Variants in MAP3K1 observed in about 807,000 individuals in gnomAD.
MAP3K1 encodes the protein MAP/ERK kinase kinase 1.
MAP3K1 carries 36 observed loss-of-function variants against 144.2 expected under a neutral mutation model. The ratio of observed to expected loss-of-function variants is 0.25; its 90% CI spans 0.19 to 0.33. The LOEUF (loss-of-function observed/expected upper bound fraction) is 0.33. Among genes scored for constraint, MAP3K1 ranks in the 10% least tolerant of loss-of-function variants. MAP3K1 has a pLI of 1.00. For synonymous variants in MAP3K1, 718 were observed against 688.7 expected (o/e 1.04, Z -0.67); for missense variants, 1,650 against 1,881.9 (o/e 0.88, Z 2.28).
rs1457839996 is a variant in MAP3K1, at chr5:56,864,928, G to A, written c.1029G>A (p.Gly343=). 1.2e-6 allele frequency: 2 copies of A among 1,613,838 alleles called. No homozygotes were observed. The highest frequency in any genetic ancestry group is 2.7e-5 in the African/African-American group (2 of 74,882). The change falls in exon 4 of 20, where the codon GGG becomes GGA. Residue 343 remains glycine (G), a synonymous_variant. Coordinates refer to ENST00000399503, the MANE Select transcript of MAP3K1 (RefSeq NM_005921.2). ...ACAATAAATACCGGGTGTTTATTGG[G>A]CCTCAGGTAGGATTCGTCACCATTT... ...SPDNKYRVFI[G]PQNCSCARGT...
At position 56,865,019 on chromosome 5, in the gene MAP3K1, A is replaced by C. The variant is rs935996795; in HGVS notation, c.1035+85A>C. Reference sequence around the variant, plus strand: ...TATATACTATAATGTTCTTAAATTTAGATCAATTAATTCCCTATAGTAAAC... The same window carrying C: ...TATATACTATAATGTTCTTAAATTTCGATCAATTAATTCCCTATAGTAAAC... On this transcript the variant is annotated intron_variant, in intron 4 of 19. Transcript: ENST00000399503. 6 of 1,230,956 alleles carry C rather than the reference A, an allele frequency of 4.9e-6. No homozygotes were observed. In the African/African-American group the frequency reaches 9.0e-5, roughly 19 times the overall value. 76.3% of individuals were successfully genotyped at this position (1,230,956 alleles called of 1,614,324 possible).
chr5:56,820,384 T>G (rs77211654), intron 1 of MAP3K1: 13,035 of 964,406 alleles, frequency 0.014, 107 homozygotes, highest in East Asian at 0.053. Context: ...TCAAATTAAT[T>G]GATTATTTTT....
intron 1 of MAP3K1, among the ~76,000 whole-genome samples, chr5:56,835,371 GA>G (rs1561168633): frequency 7.6e-6 from 1 of 131,604 alleles, no homozygotes. Flanking sequence ...CAGGGAAGAG[GA>G]GACAGGAAGG....
At chr5:56,844,195 T>G (rs1009554398) in intron 1 of MAP3K1, among the ~76,000 whole-genome samples, 1 of 136,996 alleles carries the variant, frequency 7.3e-6, no homozygotes, top group Non-Finnish European at 1.6e-5. Flanking sequence ...TTTTTTTTTT[T>G]TTTTTTTTTT....
rs763787343 is a variant in MAP3K1, at chr5:56,886,079, A to C, written c.4114+16A>C. ...GATGTCAAAGGTGAGAATTCTTCTA[A>C]TTATTATCTAGTGACAATAAAAAAA... On this transcript the variant is annotated intron_variant, in intron 17 of 19. Coordinates refer to ENST00000399503, the MANE Select transcript of MAP3K1 (RefSeq NM_005921.2). 4.5e-5 allele frequency: 72 copies of C among 1,605,022 alleles called. No individual in the cohort carries two copies. Among genetic ancestry groups the C allele is most frequent in the Non-Finnish European group, 6.0e-5 (70 of 1,172,154 alleles).
At chr5:56,849,008 GT>G (rs1354883353) in intron 1 of MAP3K1, among the ~76,000 whole-genome samples, 3 of 152,128 alleles carry the variant, frequency 2.0e-5, no homozygotes, top group Non-Finnish European at 2.9e-5. Context: ...ACTTAAAATA[GT>G]TTTTCCACTA....
At chr5:56,822,968 C>T (rs1746199190) in intron 1 of MAP3K1, among the ~76,000 whole-genome samples, 1 of 152,146 alleles carries the variant, frequency 6.6e-6, no homozygotes. Flanking sequence ...CCCATTGTCT[C>T]TCATTTCCAC....
chr5:56,849,005 A>G (rs945244809), intron 1 of MAP3K1, among the ~76,000 whole-genome samples: 1 of 152,244 alleles, frequency 6.6e-6, no homozygotes, highest in Admixed American at 6.5e-5. Context: ...AATACTTAAA[A>G]TAGTTTTTCC....
At chr5:56,820,831 G>T (rs1250181804) in intron 1 of MAP3K1, 1 of 983,320 alleles carries the variant, frequency 1.0e-6, no homozygotes, top group African/African-American at 1.7e-5. Context: ...GTTGTAGTAT[G>T]AACATGTTTC....
intron 1 of MAP3K1, among the ~76,000 whole-genome samples, chr5:56,826,489 CAGGGAA>C (rs33966939): frequency 0.5 from 75,984 of 151,490 alleles, 21,191 homozygotes; most frequent in Non-Finnish European, 0.65. Context: ...GATGTGGTCT[CAGGGAA>C]AAAATGTTGC....
rs191304731 is a variant in MAP3K1 at position 56,864,044 on chromosome 5, C to A, written c.835-690C>A. Among the ~76,000 whole-genome samples the A allele has an allele frequency of 2.5e-3, 377 of 152,246 alleles. 3 individuals carry two copies. Among genetic ancestry groups the A allele is most frequent in the African/African-American group, 8.7e-3 (361 of 41,532 alleles). On this transcript the variant is annotated intron_variant, in intron 3 of 19. Transcript: ENST00000399503. ...AGATTAATAAAGCCTTCAATAGATCCCAGGAAGTTGGATTTTTAGTTTTTA... is the reference window on the plus strand; with the variant it reads ...AGATTAATAAAGCCTTCAATAGATCACAGGAAGTTGGATTTTTAGTTTTTA...
At chr5:56,868,694 C>G (rs1747754536) in intron 6 of MAP3K1, among the ~76,000 whole-genome samples, 1 of 152,076 alleles carries the variant, frequency 6.6e-6, no homozygotes, top group Non-Finnish European at 1.5e-5. Flanking sequence ...GTAATGGTTT[C>G]TTAAAATGTA....
chr5:56,859,803 C>G lies in MAP3K1; in HGVS notation c.722C>G (p.Ala241Gly). 1 of 1,614,068 alleles carries G rather than the reference C, an allele frequency of 6.2e-7. No homozygotes were observed. The highest frequency in any genetic ancestry group is 8.5e-7 in the Non-Finnish European group (1 of 1,179,992). The change falls in exon 3 of 20, where the codon GCT becomes GGT. Residue 241 changes from alanine (A) to glycine (G), a missense_variant. Physicochemically the swap from Ala to Gly is moderately conservative, Grantham distance 60. Coordinates refer to ENST00000399503, the MANE Select transcript of MAP3K1 (RefSeq NM_005921.2). ...CCAGGAGAGGTCCAGGCAAGTGCGG[C>G]TTCACCAGCTTCCAAAGGCCGACGC... Reference protein sequence around the residue: ...ESPGEVQASAASPASKGRRSP... With the variant: ...ESPGEVQASAGSPASKGRRSP...
intron 1 of MAP3K1, among the ~76,000 whole-genome samples, chr5:56,829,060 A>T (rs1392481589): frequency 1.3e-5 from 2 of 152,206 alleles, no homozygotes; most frequent in Non-Finnish European, 2.9e-5. Context: ...AGTTCTAAAA[A>T]ATTATGACTT....
At chr5:56,843,147 G>T (rs1746868093) in intron 1 of MAP3K1, among the ~76,000 whole-genome samples, 1 of 152,180 alleles carries the variant, frequency 6.6e-6, no homozygotes, top group South Asian at 2.1e-4. Flanking sequence ...GATTCGTTTG[G>T]GTGGCTGTTG....
At chr5:56,838,243 T>TTC (rs2067214) in intron 1 of MAP3K1, among the ~76,000 whole-genome samples, 114,301 of 151,900 alleles carry the variant, frequency 0.75, 43,536 homozygotes, top group Non-Finnish European at 0.82. Flanking sequence ...GTAATACAAT[T>TTC]TGTGTTACAA....
intron 15 of MAP3K1, 35 bp from the exon 16 acceptor site, chr5:56,884,629 A>G: frequency 1.9e-6 from 3 of 1,609,092 alleles, no homozygotes; most frequent in Non-Finnish European, 8.5e-7. Flanking sequence ...TAGTGAAAAT[A>G]TGCAAAACTT....
At chr5:56,877,183 A>G (rs1013862018) in intron 10 of MAP3K1, among the ~76,000 whole-genome samples, 6 of 152,198 alleles carry the variant, frequency 3.9e-5, no homozygotes, top group Admixed American at 6.5e-5. Context: ...AATTGGCCCA[A>G]TATTTTGCCT....
At chr5:56,857,007 A>G (rs1747362957) in intron 2 of MAP3K1, among the ~76,000 whole-genome samples, 1 of 152,226 alleles carries the variant, frequency 6.6e-6, no homozygotes, top group Non-Finnish European at 1.5e-5. Context: ...TCATGTCAGT[A>G]TCTAAAATCC....
Sources: gnomAD v4.1 joint callset for allele counts (sites outside exome capture counted in the v4.1 genomes callset) on GRCh38, gnomAD v4.1.1 for gene constraint, MANE v1.5 for transcripts, NCBI Gene and HGNC (gene_info 2026-07-23, HGNC 2026-07-21) for gene names.